The following C14orf39 variants were observed in gnomAD, a reference collection of about 807,000 sequenced individuals.
The protein encoded by C14orf39 is protein SIX6OS1.
In C14orf39, 66 loss-of-function variants were observed where a neutral mutation model predicts 85.6. The ratio of observed to expected loss-of-function variants is 0.77; its 90% CI spans 0.63 to 0.95. C14orf39 has a LOEUF of 0.95. C14orf39 is among the 40% of genes least tolerant of loss of function. The pLI is 0.00. For missense variants in C14orf39, 735 were observed against 663.9 expected (o/e 1.11, Z -1.18); for synonymous variants, 242 against 214.0 (o/e 1.13, Z -1.14).
At chr14:60,478,906 G>C (rs1238118205) in intron 4 of C14orf39, among the ~76,000 whole-genome samples, 2 of 143,354 alleles carry the variant, frequency 1.4e-5, no homozygotes, top group Non-Finnish European at 3.1e-5. Flanking sequence ...CAGACAATAG[G>C]AATATAACAA....
intron 16 of C14orf39, 80 bp downstream of exon 16, chr14:60,454,921 G>A: frequency 8.7e-7 from 1 of 1,145,528 alleles, no homozygotes; most frequent in Non-Finnish European, 1.2e-6. Context: ...CCCCAAGACA[G>A]TTTTGTATTA....
At chr14:60,500,398 A>G (rs1265134248) in intron 1 of C14orf39, among the ~76,000 whole-genome samples, 1 of 152,208 alleles carries the variant, frequency 6.6e-6, no homozygotes, top group Non-Finnish European at 1.5e-5. Flanking sequence ...GAAATTTGGA[A>G]GTATGTATCA....
At chr14:60,451,076 A>G (rs1271559377) in intron 16 of C14orf39, among the ~76,000 whole-genome samples, 1 of 152,188 alleles carries the variant, frequency 6.6e-6, no homozygotes, top group Non-Finnish European at 1.5e-5. Context: ...ACAAGCATCA[A>G]GATCATCCAG....
upstream of C14orf39, among the ~76,000 whole-genome samples, chr14:60,490,476 T>C (rs911244031): frequency 2.4e-5 from 3 of 127,512 alleles, no homozygotes; most frequent in Admixed American, 7.8e-5. Flanking sequence ...AATAAATAAA[T>C]AAATAAATAA....
intron 16 of C14orf39, among the ~76,000 whole-genome samples, chr14:60,450,171 T>G (rs1890966490): frequency 6.6e-6 from 1 of 152,216 alleles, no homozygotes; most frequent in Non-Finnish European, 1.5e-5. Context: ...CATTTTATCT[T>G]GCACACTAGG....
chr14:60,438,423 AT>A, intron 17 of C14orf39, among the ~76,000 whole-genome samples: 1 of 152,272 alleles, frequency 6.6e-6, no homozygotes, highest in Non-Finnish European at 1.5e-5. Context: ...AAAATCTTGA[AT>A]TTCCCTTTGA....
chr14:60,477,473 CTCTTG>C (rs1269005471), intron 5 of C14orf39, among the ~76,000 whole-genome samples: 1 of 152,126 alleles, frequency 6.6e-6, no homozygotes, highest in Non-Finnish European at 1.5e-5. Context: ...TGTTCAAAGT[CTCTTG>C]TCTTGTTTCA....
chr14:60,485,068 C>T lies in C14orf39; in HGVS notation c.11G>A (p.Ser4Asn), dbSNP rs760779728. 14 of 1,608,374 alleles carry T rather than the reference C, an allele frequency of 8.7e-6. No individual in the cohort carries two copies. The highest frequency in any genetic ancestry group is 3.4e-5 in the Admixed American group (2 of 58,496). The change falls in exon 2 of 18, where the codon AGC (serine) becomes AAC (asparagine). Residue 4 changes from serine (S) to asparagine (N), a missense_variant. Ser to Asn is a conservative substitution (Grantham distance 46, BLOSUM62 1). Transcript: ENST00000321731. MND[S>N]LFVSLDRLLL... ...AAGTCTGTCCAAACTGACAAACAGG[C>T]TGTCATTCATCTTGGATACTATGTT...
At chr14:60,469,742 T>C (rs1199785980) in intron 7 of C14orf39, 89 bp from the exon 8 acceptor site, 2 of 603,984 alleles carry the variant, frequency 3.3e-6, no homozygotes, top group African/African-American at 3.9e-5. Flanking sequence ...TTATGTGACA[T>C]CATTTATATG....
chr14:60,466,039 A>G lies in C14orf39; in HGVS notation c.912T>C (p.Ser304=), dbSNP rs973306382. ...EPRVADIKEE[S]SAKQSKLANI... ...TGGCAAGCTTTGACTGCTTCGCAGA[A>G]CTTTCTTCTTTTATATCTAGATTAT... The change falls in exon 11 of 18, where the codon AGT becomes AGC. Residue 304 remains serine (S), a synonymous_variant. Coordinates refer to ENST00000321731, the MANE Select transcript of C14orf39 (RefSeq NM_174978.3). The G allele has an allele frequency of 1.3e-6, 2 of 1,528,812 alleles. No homozygotes were observed. The highest frequency in any genetic ancestry group is 1.8e-6 in the Non-Finnish European group (2 of 1,136,278). The allele number at this position is 1,528,812 out of a possible 1,614,324, so 94.7% of individuals were successfully genotyped here.
intron 1 of C14orf39, among the ~76,000 whole-genome samples, chr14:60,504,010 T>C (rs555421026): frequency 1.3e-5 from 2 of 152,288 alleles, no homozygotes; most frequent in South Asian, 4.1e-4. Context: ...GGACCACTGT[T>C]CTGTTCATCA....
intron 16 of C14orf39, among the ~76,000 whole-genome samples, chr14:60,447,384 A>G (rs1004516947): frequency 6.6e-6 from 1 of 152,254 alleles, no homozygotes; most frequent in African/African-American, 2.4e-5. Flanking sequence ...AAAAATCACA[A>G]GCATTCCTAT....
In C14orf39 at chr14:60,442,088, G is replaced by A. The variant is rs1415310540; in HGVS notation, c.1547C>T (p.Ser516Leu). Reference sequence around the variant, plus strand: ...AAACAACTTACCAATCTCTTGCTCTGATGACAGAGGATTTAGATTTCTTGC... The same window carrying A: ...AAACAACTTACCAATCTCTTGCTCTAATGACAGAGGATTTAGATTTCTTGC... ...YSARNLNPLS[S>L]EQEIGNLLEK... The change falls in exon 17 of 18, where the codon TCA becomes TTA. Residue 516 changes from serine to leucine, a missense_variant. Transcript: ENST00000321731. The A allele has an allele frequency of 6.2e-7, 1 of 1,609,756 alleles. No individual in the cohort carries two copies. Among genetic ancestry groups the A allele is most frequent in the Admixed American group, 1.7e-5 (1 of 59,890 alleles).
Position 60,471,439 on chromosome 14 carries a change from G to A in C14orf39, c.532C>T (p.Leu178Phe). The change falls in exon 7 of 18, where the codon CTT becomes TTT. Residue 178 changes from leucine (L) to phenylalanine (F), a missense_variant. By Grantham distance (22) the Leu-to-Phe change is conservative (BLOSUM62 0). Transcript: ENST00000321731. Reference protein sequence around the residue: ...KFRVPAPFPSLTKWTLNIVNL... With the variant: ...KFRVPAPFPSFTKWTLNIVNL... ...TACATGTTTAAAGTCCATTTAGTAA[G>A]TGATGGAAAGGGAGCAGGCACTGAA... 2 of 1,598,994 alleles carry A rather than the reference G, an allele frequency of 1.3e-6. No individual in the cohort carries two copies. Among genetic ancestry groups the A allele is most frequent in the Non-Finnish European group, 1.7e-6 (2 of 1,172,732 alleles).
intron 7 of C14orf39, among the ~76,000 whole-genome samples, chr14:60,469,879 C>A (rs1891987644): frequency 6.8e-6 from 1 of 146,206 alleles, no homozygotes; most frequent in South Asian, 2.2e-4. Context: ...AAAAACATTT[C>A]ATACAAAATA....
intron 16 of C14orf39, among the ~76,000 whole-genome samples, chr14:60,446,681 C>A (rs1472124975): frequency 2.0e-5 from 3 of 152,208 alleles, no homozygotes; most frequent in African/African-American, 4.8e-5. Flanking sequence ...AAAAGGGAAT[C>A]CCCCATAACT....
At chr14:60,494,119 G>T in intron 2 of C14orf39, 1 of 318,324 alleles carries the variant, frequency 3.1e-6, no homozygotes. Flanking sequence ...CACACGACAG[G>T]GTCCACATTC....
intron 17 of C14orf39, 109 bp downstream of exon 17, chr14:60,441,965 G>C: frequency 1.4e-6 from 1 of 713,554 alleles, no homozygotes; most frequent in South Asian, 2.1e-5. Context: ...AGAAGTAACA[G>C]TAATTTCTAA....
chr14:60,498,722 C>T lies in C14orf39; in HGVS notation c.-9+574G>A, dbSNP rs79362690. On this transcript the variant is annotated intron_variant, in intron 2 of 5. Coordinates refer to the C14orf39 transcript ENST00000556799. ...TGTCTGCTTTTCCTACATGAGGAAA[C>T]GATAAACTTTTACTGAAGGACATTT... 7.6e-4 allele frequency among the ~76,000 whole-genome samples: 116 copies of T among 152,104 alleles called. 2 individuals carry two copies. In the East Asian group the frequency reaches 0.018, roughly 23 times the overall value.
Sources: allele counts gnomAD v4.1 joint callset (sites outside exome capture counted in the v4.1 genomes callset), GRCh38; gene constraint gnomAD v4.1.1; transcripts MANE v1.5; gene names NCBI Gene and HGNC (gene_info 2026-07-23, HGNC 2026-07-21).